Variants in PRKCI observed in about 807,000 individuals in gnomAD.
The protein encoded by PRKCI is protein kinase C iota.
Under a neutral mutation model 84.0 loss-of-function variants are expected in PRKCI, and 43 were observed. That is an observed-to-expected ratio of 0.51 (90% CI 0.40 to 0.66). PRKCI has a LOEUF of 0.66. Ranked by LOEUF, PRKCI falls within the 30% of genes least tolerant of loss-of-function variation. The probability of loss-of-function intolerance (pLI) is 0.00; values close to 1 mark genes in which losing one functional copy is unlikely to be tolerated. For missense variants in PRKCI, 459 were observed against 745.6 expected (o/e 0.62, Z 4.48); for synonymous variants, 216 against 234.4 (o/e 0.92, Z 0.72).
chr3:170,282,773 C>T (rs1734282424), intron 11 of PRKCI, among the ~76,000 whole-genome samples: 1 of 150,744 alleles, frequency 6.6e-6, no homozygotes, highest in African/African-American at 2.4e-5. Flanking sequence ...TGTTCTTTGG[C>T]TTTTTTTTCC....
At position 170,222,445 on chromosome 3, in the gene PRKCI, C is replaced by G. The variant is rs1056686732; in HGVS notation, c.-225C>G. 1.1e-5 allele frequency: 5 copies of G among 451,152 alleles called. No individual in the cohort carries two copies. The highest frequency in any genetic ancestry group is 1.9e-5 in the Non-Finnish European group (5 of 259,728). The allele number at this position is 451,152 out of a possible 1,614,324, so 27.9% of individuals were successfully genotyped here. ...GACCGACGCAGGAGGTGTCTTGGGCCCGGGCGGCTGTAGAGGCGGCGGCGC... is the reference window on the plus strand; with the variant it reads ...GACCGACGCAGGAGGTGTCTTGGGCGCGGGCGGCTGTAGAGGCGGCGGCGC... On this transcript the variant is annotated 5_prime_UTR_variant, in exon 1 of 18. Transcript: ENST00000295797.
At chr3:170,280,481 C>T in intron 9 of PRKCI, 78 bp downstream of exon 9, 1 of 1,340,990 alleles carries the variant, frequency 7.5e-7, no homozygotes. Flanking sequence ...GAGTTTCGCT[C>T]TTGTCACCCA....
chr3:170,234,682 T>A (rs1384407986), intron 1 of PRKCI, among the ~76,000 whole-genome samples: 1 of 152,238 alleles, frequency 6.6e-6, no homozygotes, highest in Non-Finnish European at 1.5e-5. Flanking sequence ...AAAATTGCTT[T>A]AAATCAAGCA....
At chr3:170,260,802 T>C (rs910564564) in intron 3 of PRKCI, among the ~76,000 whole-genome samples, 1 of 152,118 alleles carries the variant, frequency 6.6e-6, no homozygotes, top group Non-Finnish European at 1.5e-5. Flanking sequence ...CTCAGCAACC[T>C]TGAGATGTAG....
chr3:170,275,377 CT>C, intron 8 of PRKCI, 90 bp downstream of exon 8: 1 of 1,205,778 alleles, frequency 8.3e-7, no homozygotes, highest in Non-Finnish European at 1.1e-6. Context: ...CCTGCTTAGA[CT>C]TTAGATCATA....
chr3:170,262,427 G>T (rs1206306487), intron 3 of PRKCI, among the ~76,000 whole-genome samples: 1 of 152,050 alleles, frequency 6.6e-6, no homozygotes, highest in East Asian at 1.9e-4. Context: ...GATGTAACAG[G>T]GACTGGAATT....
chr3:170,286,825 TA>T (rs1560183580), intron 12 of PRKCI, among the ~76,000 whole-genome samples: 1 of 147,898 alleles, frequency 6.8e-6, no homozygotes, highest in African/African-American at 2.4e-5. Context: ...TTTTTTTTTT[TA>T]AATAGAGACG....
chr3:170,271,919 C>T (rs1284511586), intron 6 of PRKCI, among the ~76,000 whole-genome samples: 2 of 152,150 alleles, frequency 1.3e-5, no homozygotes, highest in African/African-American at 4.8e-5. Flanking sequence ...CTGCAACCTC[C>T]ACCTCCCAGG....
chr3:170,234,769 G>A (rs1261851030), intron 1 of PRKCI, among the ~76,000 whole-genome samples: 1 of 151,958 alleles, frequency 6.6e-6, no homozygotes, highest in Non-Finnish European at 1.5e-5. Flanking sequence ...AATTATGCAA[G>A]TGTGTATATA....
intron 1 of PRKCI, among the ~76,000 whole-genome samples, chr3:170,230,270 A>G (rs1732750904): frequency 6.6e-6 from 1 of 151,866 alleles, no homozygotes; most frequent in African/African-American, 2.4e-5. Flanking sequence ...GGTTCTAACA[A>G]TCCTCCTGCC....
chr3:170,297,462 CT>C (rs1270726288), intron 16 of PRKCI, 69 bp downstream of exon 16: 1 of 1,304,440 alleles, frequency 7.7e-7, no homozygotes, highest in Non-Finnish European at 1.1e-6. Context: ...TGTTGTTGTT[CT>C]GTTTGTTTTT....
Position 170,263,362 on chromosome 3 carries a change from C to G in PRKCI, c.314-17C>G, listed in dbSNP as rs142883769. 17 of 1,585,660 alleles carry G rather than the reference C, an allele frequency of 1.1e-5. No individual in the cohort carries two copies. In the African/African-American group the frequency reaches 2.2e-4, roughly 20 times the overall value. On this transcript the variant is annotated splice_polypyrimidine_tract_variant and intron_variant, in intron 3 of 17. Transcript: ENST00000295797. ...TTTAAATATGCTGTTAACTCATGTT[C>G]GTTTATTTTCTTTCAGTGTTCCCTT...
intron 2 of PRKCI, among the ~76,000 whole-genome samples, chr3:170,245,562 C>T (rs534647680): frequency 5.1e-4 from 78 of 152,226 alleles, no homozygotes; most frequent in African/African-American, 1.9e-3. Flanking sequence ...GGTCTGTCCT[C>T]CTCATTGGCA....
intron 2 of PRKCI, among the ~76,000 whole-genome samples, 190 bp from the exon 3 acceptor site, chr3:170,259,779 C>T (rs1733677624): frequency 6.6e-6 from 1 of 152,070 alleles, no homozygotes; most frequent in East Asian, 1.9e-4. Flanking sequence ...GCACTCCAGC[C>T]TGGGTGGCAA....
Position 170,281,965 on chromosome 3 carries a change from C to G in PRKCI, c.1064C>G (p.Ala355Gly). The G allele has an allele frequency of 6.2e-7, 1 of 1,610,052 alleles. No individual in the cohort carries two copies. Among genetic ancestry groups the G allele is most frequent in the Non-Finnish European group, 8.5e-7 (1 of 1,178,062 alleles). Residue 355 changes from alanine (A) to glycine (G), a missense_variant, in exon 11 of 18, where the codon GCC (alanine) becomes GGC (glycine). Around this residue, in one of 2 missense-constraint regions of PRKCI, gnomAD observed 209 missense variants for 425.9 expected, o/e 0.49. Transcript: ENST00000295797. The part of the protein sequence containing the change: ...QRQRKLPEEH[A>G]RFYSAEISLA... ...CAAAGAAAACTTCCTGAAGAACATG[C>G]CAGGTGAGTTTTTGTTTACTGTTTG...
intron 16 of PRKCI, among the ~76,000 whole-genome samples, chr3:170,298,402 A>ATT (rs1207108049): frequency 7.3e-4 from 94 of 129,574 alleles, no homozygotes; most frequent in South Asian, 4.0e-3. Context: ...CTAATTTTCA[A>ATT]TTTTTTTTTT....
Position 170,304,080 on chromosome 3 carries a change from C to T in PRKCI, c.*953C>T, listed in dbSNP as rs1734894247. On this transcript the variant is annotated 3_prime_UTR_variant, in exon 18 of 18. Coordinates refer to ENST00000295797, the MANE Select transcript of PRKCI (RefSeq NM_002740.6). ...TCATTAACTATTTTTGCAAAACTGGCACAAGTGGTTTTTCTTTTTAAGTAT... is the reference window on the plus strand; with the variant it reads ...TCATTAACTATTTTTGCAAAACTGGTACAAGTGGTTTTTCTTTTTAAGTAT... 1 of 152,386 alleles carries T rather than the reference C, an allele frequency of 6.6e-6. No homozygotes were observed. The highest frequency in any genetic ancestry group is 1.5e-5 in the Non-Finnish European group (1 of 68,160). The allele number at this position is 152,386 out of a possible 1,614,324, so 9.4% of individuals were successfully genotyped here. A position where few individuals can be genotyped will look rare whatever the true frequency, so the allele number is the denominator to read the frequency against.
chr3:170,262,201 T>A (rs1181219656), intron 3 of PRKCI, among the ~76,000 whole-genome samples: 1 of 152,268 alleles, frequency 6.6e-6, no homozygotes, highest in Non-Finnish European at 1.5e-5. Flanking sequence ...AAGTTTCTAA[T>A]GTAAATTTAC....
chr3:170,280,473 G>A (rs750509967), intron 9 of PRKCI, 70 bp downstream of exon 9: 1 of 1,401,910 alleles, frequency 7.1e-7, no homozygotes, highest in Non-Finnish European at 9.6e-7. Flanking sequence ...TTGAAACGGA[G>A]TTTCGCTCTT....
Sources: allele counts gnomAD v4.1 joint callset (sites outside exome capture counted in the v4.1 genomes callset), GRCh38; gene constraint gnomAD v4.1.1; regional missense constraint gnomAD v4.1.1; transcripts MANE v1.5; gene names NCBI Gene and HGNC (gene_info 2026-07-23, HGNC 2026-07-21).